Variants in PRKG1 observed in about 807,000 individuals in gnomAD.
PRKG1 encodes the protein cGMP-dependent protein kinase 1.
In PRKG1, 35 loss-of-function variants were observed where a neutral mutation model predicts 88.1. That is an observed-to-expected ratio of 0.40 (90% CI 0.30 to 0.53). The LOEUF (loss-of-function observed/expected upper bound fraction) is 0.53, where lower values mean the gene tolerates loss of function less well. Among genes scored for constraint, PRKG1 ranks in the 20% least tolerant of loss-of-function variants. The pLI is 0.59. For synonymous variants in PRKG1, 303 were observed against 292.5 expected, an observed-to-expected ratio of 1.04 and a Z score of -0.37; for missense variants, 540 against 839.8, an observed-to-expected ratio of 0.64 and a Z score of 4.41.
intron 4 of PRKG1, among the ~76,000 whole-genome samples, chr10:51,830,560 G>GTTTTTTTTTTTTTTTTT (rs531412645): frequency 1.2e-5 from 1 of 83,648 alleles, no homozygotes; most frequent in Non-Finnish European, 2.2e-5. Context: ...TTTTTTTTTT[G>GTTTTTTTTTTTTTTTTT]TTTTTTTTTT....
At chr10:51,943,011 G>A (rs890968706) in intron 5 of PRKG1, among the ~76,000 whole-genome samples, 1 of 152,036 alleles carries the variant, frequency 6.6e-6, no homozygotes, top group Middle Eastern at 3.4e-3. Context: ...TAGCTTGATG[G>A]GGATGGCATT....
intron 5 of PRKG1, among the ~76,000 whole-genome samples, chr10:51,922,932 T>C (rs1842492495): frequency 6.6e-6 from 1 of 152,070 alleles, no homozygotes; most frequent in Admixed American, 6.6e-5. Context: ...TTCAGTTCAG[T>C]TGAACTACAT....
At chr10:51,858,652 C>T (rs910272551) in intron 4 of PRKG1, among the ~76,000 whole-genome samples, 45 of 150,550 alleles carry the variant, frequency 3.0e-4, no homozygotes, top group Non-Finnish European at 3.5e-4. Context: ...CATTTTTGTA[C>T]CTGTGCGTTT....
At chr10:51,319,325 A>G (rs1841397771) in intron 2 of PRKG1, among the ~76,000 whole-genome samples, 1 of 151,906 alleles carries the variant, frequency 6.6e-6, no homozygotes, top group South Asian at 2.1e-4. Flanking sequence ...TAAGTGAAAC[A>G]ACATATTTGA....
chr10:51,452,935 T>C (rs1225084388), intron 2 of PRKG1, among the ~76,000 whole-genome samples: 1 of 152,066 alleles, frequency 6.6e-6, no homozygotes, highest in Non-Finnish European at 1.5e-5. Context: ...ATTTTTTTTG[T>C]TGGTAATTCT....
At chr10:51,121,118 T>C (rs181920400) in intron 1 of PRKG1, among the ~76,000 whole-genome samples, 249 of 152,306 alleles carry the variant, frequency 1.6e-3, no homozygotes, top group African/African-American at 5.7e-3. Context: ...TCATCTCTCC[T>C]GTCTCCCTCA....
intron 4 of PRKG1, among the ~76,000 whole-genome samples, chr10:51,829,644 T>C (rs1246513530): frequency 2.6e-5 from 4 of 152,226 alleles, no homozygotes; most frequent in African/African-American, 9.6e-5. Context: ...TAAAGGACTA[T>C]GACATCTTAT....
At chr10:51,696,560 G>C (rs1400109531) in intron 3 of PRKG1, 2 of 152,128 alleles carry the variant, frequency 1.3e-5, no homozygotes, top group Admixed American at 1.3e-4. Flanking sequence ...ATTTGTCACA[G>C]CAAAATCATG....
At chr10:52,081,923 T>C (rs1312976829) in intron 7 of PRKG1, among the ~76,000 whole-genome samples, 1 of 152,132 alleles carries the variant, frequency 6.6e-6, no homozygotes, top group Non-Finnish European at 1.5e-5. Flanking sequence ...AAACTGACCA[T>C]TTAATATCCG....
At chr10:51,804,315 C>T (rs572707362) in intron 3 of PRKG1, among the ~76,000 whole-genome samples, 1 of 152,046 alleles carries the variant, frequency 6.6e-6, no homozygotes, top group African/African-American at 2.4e-5. Flanking sequence ...AGACAATCAA[C>T]CCCCAAGGGT....
chr10:51,856,607 T>C (rs756326977), intron 4 of PRKG1, among the ~76,000 whole-genome samples: 1 of 152,198 alleles, frequency 6.6e-6, no homozygotes. Context: ...AAGGCTATTG[T>C]AATGATATAA....
At chr10:51,570,160 C>T (rs1214803046) in intron 3 of PRKG1, among the ~76,000 whole-genome samples, 1 of 150,182 alleles carries the variant, frequency 6.7e-6, no homozygotes, top group East Asian at 2.0e-4. Flanking sequence ...ATACAGTTGA[C>T]CCTTGAATGA....
At chr10:51,643,863 T>C (rs772269313) in intron 3 of PRKG1, among the ~76,000 whole-genome samples, 1 of 152,148 alleles carries the variant, frequency 6.6e-6, no homozygotes, top group African/African-American at 2.4e-5. Flanking sequence ...AAACAATCAA[T>C]GAAACTTCCT....
At chr10:52,171,026 A>G (rs7910470) in intron 9 of PRKG1, among the ~76,000 whole-genome samples, 30,122 of 151,778 alleles carry the variant, frequency 0.2, 3,364 homozygotes, top group South Asian at 0.42. Flanking sequence ...AGGGTCAGCT[A>G]GCTTCTAGCA....
At chr10:51,201,431 G>A (rs755867926) in intron 2 of PRKG1, among the ~76,000 whole-genome samples, 7 of 152,140 alleles carry the variant, frequency 4.6e-5, no homozygotes, top group Admixed American at 1.3e-4. Flanking sequence ...CAGCCTAGGG[G>A]ACAAGAGTGA....
At chr10:51,028,298 T>C (rs982321534) in intron 1 of PRKG1, among the ~76,000 whole-genome samples, 1 of 152,194 alleles carries the variant, frequency 6.6e-6, no homozygotes, top group Non-Finnish European at 1.5e-5. Flanking sequence ...ATTAAACAAT[T>C]AAATATCAGA....
upstream of PRKG1, among the ~76,000 whole-genome samples, chr10:51,069,853 C>T (rs551212442): frequency 2.6e-5 from 4 of 152,158 alleles, no homozygotes; most frequent in Admixed American, 6.5e-5. Flanking sequence ...GTTTTAAAGA[C>T]AGGACAATTT....
At chr10:51,716,241 T>C (rs1255988307) in intron 3 of PRKG1, among the ~76,000 whole-genome samples, 2 of 152,220 alleles carry the variant, frequency 1.3e-5, no homozygotes, top group East Asian at 1.9e-4. Context: ...CATCTTTTAT[T>C]TGGCTATCAA....
At chr10:51,233,099 G>A (rs1328203966) in intron 2 of PRKG1, among the ~76,000 whole-genome samples, 1 of 152,172 alleles carries the variant, frequency 6.6e-6, no homozygotes, top group East Asian at 1.9e-4. Context: ...GAATGTGAAT[G>A]GTAGAGATGG....
Sources: gnomAD v4.1 joint callset for allele counts (sites outside exome capture counted in the v4.1 genomes callset) on GRCh38, gnomAD v4.1.1 for gene constraint, MANE v1.5 for transcripts, NCBI Gene and HGNC (gene_info 2026-07-23, HGNC 2026-07-21) for gene names.